Variants in BRWD1 observed in about 807,000 individuals in gnomAD.
The protein encoded by BRWD1 is bromodomain and WD repeat domain containing 1, also known as bromodomain and WD repeat-containing protein 1.
BRWD1 carries 82 observed loss-of-function variants against 251.2 expected under a neutral mutation model. The observed-to-expected ratio is 0.33, with a 90% CI of 0.27 to 0.39. The LOEUF (loss-of-function observed/expected upper bound fraction) is 0.39. Among genes scored for constraint, BRWD1 ranks in the 10% least tolerant of loss-of-function variants. BRWD1 has a pLI of 1.00. For missense variants in BRWD1, 2,233 were observed against 2,711.6 expected, an observed-to-expected ratio of 0.82 and a Z score of 3.92; for synonymous variants, 918 against 902.8, an observed-to-expected ratio of 1.02 and a Z score of -0.30.
In BRWD1 at chr21:39,296,337, A is replaced by C; in HGVS notation, c.376T>G (p.Ser126Ala). ...CCTCTATGAAGAGCAGCAAAGGCAG[A>C]GCCCTTCCAAACTGTGTGCCTGCAG... ...KDCRHTVWKG[S>A]AFAALHRGRP... Residue 126 changes from serine to alanine, a missense_variant, in exon 6 of 41, where the codon TCT becomes GCT. Transcript: ENST00000342449. 1 of 1,597,208 alleles carries C rather than the reference A, an allele frequency of 6.3e-7. No individual in the cohort carries two copies. Among genetic ancestry groups the C allele is most frequent in the Non-Finnish European group, 8.5e-7 (1 of 1,173,374 alleles).
At chr21:39,274,058 C>T (rs1336272347) in intron 13 of BRWD1, among the ~76,000 whole-genome samples, 1 of 152,108 alleles carries the variant, frequency 6.6e-6, no homozygotes, top group Non-Finnish European at 1.5e-5. Context: ...TCTTAACGTA[C>T]TTGAGTTAAT....
chr21:39,302,525 AG>A (rs1263194273), intron 4 of BRWD1, among the ~76,000 whole-genome samples: 4 of 151,986 alleles, frequency 2.6e-5, no homozygotes, highest in Admixed American at 1.3e-4. Flanking sequence ...GGAAAGCTGA[AG>A]TGGGCAGATC....
intron 20 of BRWD1, among the ~76,000 whole-genome samples, chr21:39,250,515 A>AG (rs2034359774): frequency 6.6e-6 from 1 of 151,952 alleles, no homozygotes; most frequent in East Asian, 1.9e-4. Context: ...TAAAAAAAAA[A>AG]AAGAAGAACC....
chr21:39,272,008 C>A (rs866157539), intron 13 of BRWD1, among the ~76,000 whole-genome samples: 605 of 115,038 alleles, frequency 5.3e-3, no homozygotes, highest in East Asian at 8.9e-3. Context: ...CACTCCATTT[C>A]AAAAAAAAAA....
chr21:39,314,516 A>G (rs1330054407), upstream of BRWD1: 3 of 358,656 alleles, frequency 8.4e-6, no homozygotes, highest in African/African-American at 4.3e-5. Flanking sequence ...GTGCAGTTAG[A>G]ATCCTCTTGG....
At chr21:39,314,782 G>GC (rs1410176801), upstream of BRWD1, 1 of 172,400 alleles carries the variant, frequency 5.8e-6, no homozygotes, top group Non-Finnish European at 1.3e-5. Context: ...TCTAGGGCAG[G>GC]ACTCACTGCC....
At position 39,225,019 on chromosome 21, in the gene BRWD1, A is replaced by T. The variant is rs1601321790; in HGVS notation, c.3320+67T>A. 3 of 1,174,414 alleles carry T rather than the reference A, an allele frequency of 2.6e-6. No homozygotes were observed. In the East Asian group the frequency reaches 7.1e-5, roughly 28 times the overall value. The allele number at this position is 1,174,414 out of a possible 1,614,324, so 72.7% of individuals were successfully genotyped here. On this transcript the variant is annotated intron_variant, in intron 28 of 40. Coordinates refer to ENST00000342449, the MANE Select transcript of BRWD1 (RefSeq NM_033656.4). ...ATGTTTTTTTAAAAACCAGAAATGT[A>T]TTATTTATACAGCAACCTGCCACAC...
chr21:39,220,209 A>G (rs567953472), intron 29 of BRWD1, among the ~76,000 whole-genome samples: 2 of 152,238 alleles, frequency 1.3e-5, no homozygotes, highest in African/African-American at 4.8e-5. Context: ...TATTCTGGTG[A>G]ATACTGATCA....
chr21:39,291,368 A>G (rs1601475525), intron 8 of BRWD1, among the ~76,000 whole-genome samples: 1 of 152,204 alleles, frequency 6.6e-6, no homozygotes, highest in East Asian at 1.9e-4. Flanking sequence ...TCAAACATAA[A>G]ATAAAAGCCT....
In BRWD1 at chr21:39,309,211, C is replaced by T. The variant is rs180960592; in HGVS notation, c.198+3630G>A. ...ACAAAAATCAGGGAAGGTGTGGTGG[C>T]TCACACCTGTAATTCCAACTTTGGG... On this transcript the variant is annotated intron_variant, in intron 4 of 40. Transcript: ENST00000342449. Among the ~76,000 whole-genome samples the T allele has an allele frequency of 5.5e-4, 83 of 151,510 alleles. No individual in the cohort carries two copies. In the East Asian group the frequency reaches 0.014, roughly 26 times the overall value.
chr21:39,200,240 T>C lies in BRWD1; in HGVS notation c.4732A>G (p.Arg1578Gly), dbSNP rs1172666573. The C allele has an allele frequency of 3.7e-6, 6 of 1,613,344 alleles. No individual in the cohort carries two copies. The highest frequency in any genetic ancestry group is 5.1e-6 in the Non-Finnish European group (6 of 1,179,782). ...TTACCAGTTTTTCTTTGAGCAGCTCTAGTTCTGGTTACCCTGAGATTGCTG... is the reference window on the plus strand; with the variant it reads ...TTACCAGTTTTTCTTTGAGCAGCTCCAGTTCTGGTTACCCTGAGATTGCTG... ...RSSNLRVTRT[R>G]AAQRKTGPVS... is the part of the protein sequence containing the mutation. The change falls in exon 39 of 41, where the codon AGA becomes GGA. Residue 1578 changes from arginine (R) to glycine (G), a missense_variant. This residue lies in a region of BRWD1 where 928 missense variants were observed against 970.0 expected (regional missense o/e 0.96). Coordinates refer to ENST00000342449, the MANE Select transcript of BRWD1 (RefSeq NM_033656.4).
chr21:39,267,333 A>C (rs1386093300), intron 15 of BRWD1, among the ~76,000 whole-genome samples: 1 of 152,148 alleles, frequency 6.6e-6, no homozygotes, highest in Non-Finnish European at 1.5e-5. Flanking sequence ...CAGTGGCTCA[A>C]GCCTGTAATC....
intron 30 of BRWD1, 98 bp downstream of exon 30, chr21:39,218,407 A>T: frequency 7.0e-7 from 1 of 1,427,648 alleles, no homozygotes; most frequent in Non-Finnish European, 9.4e-7. Context: ...TACAAAGTGT[A>T]GAAAAGAACA....
chr21:39,313,861 C>T (rs1004814806), upstream of BRWD1: 5 of 342,672 alleles, frequency 1.5e-5, no homozygotes, highest in Admixed American at 5.1e-5. Flanking sequence ...GGCGCGTGGT[C>T]CGAATCCCTG....
intron 4 of BRWD1, 23 bp downstream of exon 4, chr21:39,312,818 G>C (rs1360667502): frequency 6.3e-7 from 1 of 1,590,656 alleles, no homozygotes; most frequent in Non-Finnish European, 8.6e-7. Context: ...AAAACCCGGG[G>C]AGCAAACGTG....
At chr21:39,198,705 G>GT in intron 40 of BRWD1, 58 bp downstream of exon 40, 2 of 1,449,804 alleles carry the variant, frequency 1.4e-6, no homozygotes, top group Non-Finnish European at 1.9e-6. Flanking sequence ...ACCAATGTGT[G>GT]TAAGAGAAAA....
chr21:39,212,576 TA>T (rs1371418978), intron 34 of BRWD1, 89 bp downstream of exon 34: 1 of 1,060,400 alleles, frequency 9.4e-7, no homozygotes, highest in Non-Finnish European at 1.4e-6. Context: ...TACACTGATA[TA>T]ACTTTTCAAA....
chr21:39,233,139 C>T (rs2033683606), intron 23 of BRWD1, among the ~76,000 whole-genome samples: 1 of 152,072 alleles, frequency 6.6e-6, no homozygotes, highest in South Asian at 2.1e-4. Flanking sequence ...AACACTCAAG[C>T]AGCCAGCTAA....
intron 11 of BRWD1, 80 bp from the exon 12 acceptor site, chr21:39,276,293 G>A: frequency 7.5e-7 from 1 of 1,335,362 alleles, no homozygotes; most frequent in Non-Finnish European, 1.0e-6. Context: ...TTTAATGCTA[G>A]AAGCCTATTT....
Sources: gnomAD v4.1 joint callset for allele counts (sites outside exome capture counted in the v4.1 genomes callset) on GRCh38, gnomAD v4.1.1 for gene constraint, gnomAD v4.1.1 regional missense constraint, MANE v1.5 for transcripts, NCBI Gene and HGNC (gene_info 2026-07-23, HGNC 2026-07-21) for gene names.